The following MACROD2 variants were observed in gnomAD, a reference collection of about 807,000 sequenced individuals.
MACROD2 encodes the protein ADP-ribose glycohydrolase MACROD2.
A neutral mutation model predicts 70.4 loss-of-function variants in MACROD2; 36 were observed. The observed-to-expected ratio is 0.51, with a 90% CI of 0.39 to 0.68. The LOEUF (loss-of-function observed/expected upper bound fraction) is 0.68, where lower values mean the gene tolerates loss of function less well. Ranked by LOEUF, MACROD2 falls within the 30% of genes least tolerant of loss-of-function variation. The probability of loss-of-function intolerance (pLI) is 0.00; values close to 1 mark genes in which losing one functional copy is unlikely to be tolerated. For synonymous variants in MACROD2, 172 were observed against 178.8 expected, an observed-to-expected ratio of 0.96 and a Z score of 0.30; for missense variants, 496 against 538.4, an observed-to-expected ratio of 0.92 and a Z score of 0.78.
At chr20:14,890,438 T>C (rs756735627) in intron 5 of MACROD2, among the ~76,000 whole-genome samples, 1 of 151,878 alleles carries the variant, frequency 6.6e-6, no homozygotes, top group Non-Finnish European at 1.5e-5. Context: ...GTGAAGAAAG[T>C]ACTTTGATGA....
chr20:14,003,661 C>A, intron 2 of MACROD2: 1 of 451,846 alleles, frequency 2.2e-6, no homozygotes, highest in South Asian at 1.8e-5. Flanking sequence ...GGTGGGAAGC[C>A]AGAGCCACCT....
intron 5 of MACROD2, among the ~76,000 whole-genome samples, chr20:14,764,410 A>C (rs145810266): frequency 6.6e-6 from 1 of 152,010 alleles, no homozygotes; most frequent in Non-Finnish European, 1.5e-5. Flanking sequence ...GAGTCCCTTC[A>C]TTATGGTCTT....
chr20:15,878,097 A>G (rs924296742), intron 9 of MACROD2, among the ~76,000 whole-genome samples: 1 of 151,954 alleles, frequency 6.6e-6, no homozygotes, highest in African/African-American at 2.4e-5. Flanking sequence ...CTCCTAGCCA[A>G]TCTAGGAATC....
At chr20:15,978,582 G>GTCTCTCTCTCTCTC (rs59205516) in intron 13 of MACROD2, among the ~76,000 whole-genome samples, 93 of 146,422 alleles carry the variant, frequency 6.4e-4, no homozygotes, top group African/African-American at 1.5e-3. Context: ...CTGACCTTGG[G>GTCTCTCTCTCTCTC]TCTCTCTCTC....
rs1007063054 is a variant in MACROD2, at chr20:14,607,027, G to A, written c.302-77816G>A. Reference sequence around the variant, plus strand: ...CACAGATAGTCTTACACCTCACATAGCATCAGTGTTTGCATTTTGAGATAC... The same window carrying A: ...CACAGATAGTCTTACACCTCACATAACATCAGTGTTTGCATTTTGAGATAC... On this transcript the variant is annotated intron_variant, in intron 4 of 17. Transcript: ENST00000684519. Among the ~76,000 whole-genome samples, 8 of 152,230 alleles carry A rather than the reference G, an allele frequency of 5.3e-5. No homozygotes were observed. In the South Asian group the frequency reaches 1.5e-3, roughly 28 times the overall value.
chr20:16,013,017 T>C (rs376321852), intron 15 of MACROD2, among the ~76,000 whole-genome samples: 1 of 152,188 alleles, frequency 6.6e-6, no homozygotes, highest in East Asian at 1.9e-4. Flanking sequence ...CCATCTCTAC[T>C]AAAAATACAA....
chr20:15,313,608 A>T (rs2077777441), intron 6 of MACROD2, among the ~76,000 whole-genome samples: 1 of 151,666 alleles, frequency 6.6e-6, no homozygotes, highest in South Asian at 2.1e-4. Context: ...AATCCCTCCT[A>T]GTGCTCTCAC....
intron 8 of MACROD2, among the ~76,000 whole-genome samples, chr20:15,643,257 T>G (rs2049489975): frequency 6.6e-6 from 1 of 152,216 alleles, no homozygotes; most frequent in Non-Finnish European, 1.5e-5. Context: ...CCTGGAAGGC[T>G]TATTTGGATA....
chr20:14,302,390 C>T (rs536780203), intron 3 of MACROD2, among the ~76,000 whole-genome samples: 1 of 152,272 alleles, frequency 6.6e-6, no homozygotes, highest in South Asian at 2.1e-4. Flanking sequence ...TTCACTTTCA[C>T]TCACATTCAA....
intron 5 of MACROD2, among the ~76,000 whole-genome samples, chr20:14,859,360 A>C (rs1389289636): frequency 6.6e-6 from 1 of 152,152 alleles, no homozygotes; most frequent in Non-Finnish European, 1.5e-5. Flanking sequence ...GGAATTAAGA[A>C]AAAGGCAAGG....
At chr20:14,438,485 C>T (rs559140764) in intron 3 of MACROD2, among the ~76,000 whole-genome samples, 2 of 152,270 alleles carry the variant, frequency 1.3e-5, no homozygotes, top group Admixed American at 6.5e-5. Context: ...GAATAACCTC[C>T]AGACCATTTT....
chr20:14,517,871 C>T (rs574708952), intron 4 of MACROD2, among the ~76,000 whole-genome samples: 1 of 151,356 alleles, frequency 6.6e-6, no homozygotes, highest in Admixed American at 6.6e-5. Context: ...TTTTTTTAAC[C>T]AATATTTTGT....
At chr20:14,676,943 G>A (rs952661041) in intron 4 of MACROD2, among the ~76,000 whole-genome samples, 1 of 152,054 alleles carries the variant, frequency 6.6e-6, no homozygotes, top group Non-Finnish European at 1.5e-5. Flanking sequence ...AAAATAACTG[G>A]ATTTCACTAA....
At chr20:14,010,144 TA>T (rs901878197) in intron 2 of MACROD2, among the ~76,000 whole-genome samples, 26 of 151,834 alleles carry the variant, frequency 1.7e-4, no homozygotes, top group African/African-American at 2.4e-4. Flanking sequence ...AGTTGGAAAT[TA>T]AAAAAAAATT....
chr20:15,311,798 G>A (rs1008036040), intron 6 of MACROD2, among the ~76,000 whole-genome samples: 6 of 152,082 alleles, frequency 3.9e-5, no homozygotes, highest in Non-Finnish European at 7.4e-5. Context: ...GGAGGGAAAG[G>A]GGGACAGGAG....
Position 15,019,919 on chromosome 20 carries a change from C to T in MACROD2, c.419-210021C>T, listed in dbSNP as rs548266735. 3.3e-5 allele frequency among the ~76,000 whole-genome samples: 5 copies of T among 152,122 alleles called. No homozygotes were observed. The East Asian group carries it at 9.7e-4, about 29-fold the overall frequency. On this transcript the variant is annotated intron_variant, in intron 5 of 17. Coordinates refer to ENST00000684519, the MANE Select transcript of MACROD2 (RefSeq NM_001351661.2). ...AATTAAACATAATAATAATTGAATA[C>T]TTAAAATATTAACTAGTAAATAAGA...
chr20:15,749,078 A>G (rs2051229415), intron 8 of MACROD2, among the ~76,000 whole-genome samples: 1 of 152,258 alleles, frequency 6.6e-6, no homozygotes, highest in Middle Eastern at 3.4e-3. Context: ...TCTCCATGAC[A>G]TTTTTATATG....
intron 5 of MACROD2, among the ~76,000 whole-genome samples, chr20:14,881,569 C>G (rs2073611525): frequency 6.6e-6 from 1 of 151,986 alleles, no homozygotes; most frequent in Admixed American, 6.6e-5. Context: ...CGGGGTAGCT[C>G]TCTTGCCAGT....
chr20:15,232,836 C>G (rs1308357250), intron 6 of MACROD2, among the ~76,000 whole-genome samples: 1 of 152,066 alleles, frequency 6.6e-6, no homozygotes, highest in African/African-American at 2.4e-5. Context: ...GATCACAGCA[C>G]AGGATCCAAC....
Sources: gnomAD v4.1 joint callset for allele counts (sites outside exome capture counted in the v4.1 genomes callset) on GRCh38, gnomAD v4.1.1 for gene constraint, MANE v1.5 for transcripts, NCBI Gene and HGNC (gene_info 2026-07-23, HGNC 2026-07-21) for gene names.